PDE4DIP: variants seen among roughly 807,000 people sequenced by gnomAD.
The protein encoded by PDE4DIP is phosphodiesterase 4D interacting protein, also known as myomegalin.
PDE4DIP carries 59 observed loss-of-function variants against 221.4 expected under a neutral mutation model. The ratio of observed to expected loss-of-function variants is 0.27; its 90% CI spans 0.22 to 0.33. PDE4DIP has a LOEUF of 0.33. PDE4DIP is among the 10% of genes least tolerant of loss of function. The pLI is 1.00. For missense variants in PDE4DIP, 1,036 were observed against 2,154.2 expected (o/e 0.48, Z 10.28); for synonymous variants, 404 against 815.9 (o/e 0.50, Z 8.60).
chr1:148,907,301 A>G (rs1259207126), intron 1 of PDE4DIP, among the ~76,000 whole-genome samples: 1 of 132,912 alleles, frequency 7.5e-6, no homozygotes, highest in Non-Finnish European at 1.6e-5. Context: ...CAATGTTAGT[A>G]TTGGGATGTG....
exon 34 of PDE4DIP, chr1:149,017,783 C>A (rs1698597): frequency 6.2e-7 from 1 of 1,606,794 alleles, no homozygotes; most frequent in Non-Finnish European, 8.5e-7. Flanking sequence ...TGGTGAAATC[C>A]GGAACCTGCG....
At chr1:149,022,289 CAG>C (rs1553620522) in intron 37 of PDE4DIP, among the ~76,000 whole-genome samples, 1 of 147,324 alleles carries the variant, frequency 6.8e-6, no homozygotes, top group Non-Finnish European at 1.5e-5. Flanking sequence ...ATAATGAAGA[CAG>C]GGCGCACAAT....
intron 4 of PDE4DIP, among the ~76,000 whole-genome samples, chr1:148,934,634 C>T (rs1482097662): frequency 1.2e-4 from 19 of 152,124 alleles, no homozygotes; most frequent in South Asian, 6.2e-4. Context: ...GATGGAGTCT[C>T]GCTCTGTTGC....
At chr1:148,919,636 C>T (rs59252664) in intron 1 of PDE4DIP, among the ~76,000 whole-genome samples, 2 of 151,808 alleles carry the variant, frequency 1.3e-5, no homozygotes, top group Middle Eastern at 3.4e-3. Flanking sequence ...ACAAAAAATT[C>T]GTATGTACTA....
intron 1 of PDE4DIP, among the ~76,000 whole-genome samples, chr1:148,820,555 CAAAA>C (rs148261220): frequency 5.9e-3 from 231 of 39,168 alleles, no homozygotes; most frequent in African/African-American, 0.018. Context: ...AACTCCATCT[CAAAA>C]AAAAAAAAAA....
chr1:148,954,236 T>A, intron 5 of PDE4DIP, among the ~76,000 whole-genome samples: 1 of 152,282 alleles, frequency 6.6e-6, no homozygotes, highest in Middle Eastern at 3.4e-3. Flanking sequence ...GAACTTTTCC[T>A]CTTACCTCTT....
chr1:149,015,001 C>T (rs2069941163), intron 32 of PDE4DIP, among the ~76,000 whole-genome samples: 1 of 151,574 alleles, frequency 6.6e-6, no homozygotes, highest in Non-Finnish European at 1.5e-5. Context: ...GGGTTGAAGG[C>T]AGTTTGAAAG....
At chr1:149,019,947 GC>G (rs2072122916) in intron 35 of PDE4DIP, among the ~76,000 whole-genome samples, 199 bp from the exon 39 acceptor site, 2 of 152,100 alleles carry the variant, frequency 1.3e-5, no homozygotes, top group Admixed American at 1.3e-4. Context: ...TAAATAAGTG[GC>G]ATGAAGGGTT....
At chr1:148,829,017 A>AAC (rs5777522) in intron 1 of PDE4DIP, among the ~76,000 whole-genome samples, 4,682 of 143,064 alleles carry the variant, frequency 0.033, 99 homozygotes, top group Middle Eastern at 0.063. Context: ...TTCCTGCATA[A>AAC]ACACACACAC....
exon 42 of PDE4DIP, chr1:149,029,916 G>T (rs782066980): frequency 4.4e-5 from 62 of 1,416,472 alleles, no homozygotes; most frequent in Non-Finnish European, 5.9e-5. Context: ...GCAGTTCATC[G>T]TCAGCCAGCG....
intron 37 of PDE4DIP, among the ~76,000 whole-genome samples, chr1:149,023,950 A>G (rs113448307): frequency 1.3e-5 from 2 of 150,470 alleles, no homozygotes; most frequent in African/African-American, 2.4e-5. Flanking sequence ...GAGAGAGAGA[A>G]AGAGAGAGAG....
chr1:149,009,877 T>C lies in PDE4DIP; in HGVS notation c.4927+86T>C, dbSNP rs1249940074. ...CAGGGCTTATAGCTCCACCATGGTG[T>C]GTATCAGGCTGAACATGGCTGTGGG... On this transcript the variant is annotated intron_variant, in intron 30 of 43. Transcript: ENST00000369354. The C allele has an allele frequency of 3.9e-6, 4 of 1,015,580 alleles. No homozygotes were observed. The African/African-American group carries it at 6.2e-5, about 16-fold the overall frequency. The allele number at this position is 1,015,580 out of a possible 1,614,324, so 62.9% of individuals were successfully genotyped here.
At chr1:148,961,182 C>T (rs2056838154) in intron 6 of PDE4DIP, among the ~76,000 whole-genome samples, 1 of 152,134 alleles carries the variant, frequency 6.6e-6, no homozygotes, top group South Asian at 2.1e-4. Context: ...GTGGCAGACA[C>T]CTGTAATCCC....
At chr1:148,984,056 T>C (rs1314163879) in intron 21 of PDE4DIP, 2 of 152,094 alleles carry the variant, frequency 1.3e-5, no homozygotes, top group Admixed American at 6.5e-5. Context: ...TAGATAGATA[T>C]TGTCCCTAAA....
At chr1:148,981,393 T>C (rs373891681) in exon 21 of PDE4DIP, 38 of 1,614,020 alleles carry the variant, frequency 2.4e-5, no homozygotes, top group Admixed American at 5.0e-5. Flanking sequence ...TGGCCGCCAT[T>C]GGAGGTGGGG....
chr1:149,019,778 C>T (rs2072041585), intron 35 of PDE4DIP, among the ~76,000 whole-genome samples: 3 of 152,188 alleles, frequency 2.0e-5, no homozygotes, highest in Admixed American at 1.3e-4. Context: ...AACAAAAAAT[C>T]TCAGTTTTCA....
At chr1:148,919,351 C>A (rs1220647007) in intron 1 of PDE4DIP, among the ~76,000 whole-genome samples, 8 of 151,600 alleles carry the variant, frequency 5.3e-5, no homozygotes, top group African/African-American at 2.0e-4. Context: ...AGTTTAAGGT[C>A]ACACAGGGAG....
intron 21 of PDE4DIP, among the ~76,000 whole-genome samples, chr1:148,990,884 G>T (rs113231493): frequency 3.9e-5 from 2 of 51,200 alleles, no homozygotes; most frequent in African/African-American, 1.6e-4. Context: ...TAAGGAGGAA[G>T]ACACACCCTA....
At chr1:149,013,945 A>C (rs1306941347) in intron 32 of PDE4DIP, among the ~76,000 whole-genome samples, 4 of 151,540 alleles carry the variant, frequency 2.6e-5, no homozygotes, top group Admixed American at 2.0e-4. Flanking sequence ...GTGTCACCAC[A>C]CCTGGCTAAT....
Sources: gnomAD v4.1 joint callset for allele counts (sites outside exome capture counted in the v4.1 genomes callset) on GRCh38, gnomAD v4.1.1 for gene constraint, MANE v1.5 for transcripts, NCBI Gene and HGNC (gene_info 2026-07-23, HGNC 2026-07-21) for gene names.